DLGAP1: variants seen among roughly 807,000 people sequenced by gnomAD.
The protein encoded by DLGAP1 is disks large-associated protein 1.
Under a neutral mutation model 90.8 loss-of-function variants are expected in DLGAP1, and 11 were observed. The ratio of observed to expected loss-of-function variants is 0.12; its 90% CI spans 0.08 to 0.20. The LOEUF (loss-of-function observed/expected upper bound fraction) is 0.20. DLGAP1 is among the 10% of genes least tolerant of loss of function. The pLI is 1.00. For missense variants in DLGAP1, 1,050 were observed against 1,333.8 expected (o/e 0.79, Z 3.31); for synonymous variants, 558 against 540.7 (o/e 1.03, Z -0.44).
At chr18:4,432,797 G>A (rs62085388) in intron 1 of DLGAP1, among the ~76,000 whole-genome samples, 7,833 of 151,964 alleles carry the variant, frequency 0.052, 273 homozygotes, top group South Asian at 0.1. Context: ...CCAGCTCTAA[G>A]GAATATTCTT....
chr18:4,392,106 G>T (rs1196365943), intron 1 of DLGAP1, among the ~76,000 whole-genome samples: 1 of 152,096 alleles, frequency 6.6e-6, no homozygotes, highest in Non-Finnish European at 1.5e-5. Context: ...AATGAAACCA[G>T]TTTCCTCCTG....
At chr18:3,558,209 A>G (rs2053869614) in intron 9 of DLGAP1, among the ~76,000 whole-genome samples, 2 of 152,238 alleles carry the variant, frequency 1.3e-5, no homozygotes, top group South Asian at 4.1e-4. Flanking sequence ...CAGTTCTATC[A>G]GTTCAAGAAC....
At chr18:4,373,038 G>A (rs367574851) in intron 1 of DLGAP1, among the ~76,000 whole-genome samples, 3 of 152,174 alleles carry the variant, frequency 2.0e-5, no homozygotes, top group African/African-American at 7.2e-5. Context: ...GGGGTGCACG[G>A]GTGATGGTCA....
intron 1 of DLGAP1, among the ~76,000 whole-genome samples, chr18:4,442,603 C>CT (rs1555619602): frequency 1.3e-5 from 2 of 151,792 alleles, no homozygotes; most frequent in Non-Finnish European, 2.9e-5. Flanking sequence ...ACAGAAAGGA[C>CT]AAAGAATGAG....
intron 1 of DLGAP1, among the ~76,000 whole-genome samples, chr18:4,391,781 T>TAC (rs973311104): frequency 9.2e-5 from 14 of 152,154 alleles, no homozygotes; most frequent in African/African-American, 3.1e-4. Context: ...GCTAAACATT[T>TAC]ACCTCATGGG....
intron 2 of DLGAP1, among the ~76,000 whole-genome samples, chr18:4,087,026 G>GATATAT (rs1409628582): frequency 3.8e-5 from 3 of 78,200 alleles, no homozygotes; most frequent in Admixed American, 1.1e-4. Context: ...TACCTTGTCT[G>GATATAT]AGATATATAT....
At chr18:3,554,448 A>G (rs924685707) in intron 9 of DLGAP1, among the ~76,000 whole-genome samples, 2 of 152,214 alleles carry the variant, frequency 1.3e-5, no homozygotes, top group African/African-American at 2.4e-5. Flanking sequence ...TCTCCTTTCA[A>G]AACGACATAC....
At chr18:4,435,965 T>G (rs2013014283) in intron 1 of DLGAP1, among the ~76,000 whole-genome samples, 1 of 151,792 alleles carries the variant, frequency 6.6e-6, no homozygotes, top group African/African-American at 2.4e-5. Context: ...ATTAGACAAG[T>G]AGGTAGTTAA....
At chr18:4,064,407 C>T (rs564890133) in intron 2 of DLGAP1, among the ~76,000 whole-genome samples, 2 of 149,152 alleles carry the variant, frequency 1.3e-5, no homozygotes, top group Non-Finnish European at 3.0e-5. Flanking sequence ...AATGAATCCA[C>T]GAGATTTTTC....
At chr18:3,996,085 AT>A (rs1400084750) in intron 3 of DLGAP1, among the ~76,000 whole-genome samples, 11 of 152,160 alleles carry the variant, frequency 7.2e-5, no homozygotes, top group Non-Finnish European at 1.3e-4. Flanking sequence ...TTTTAAATAT[AT>A]TTATTAATTT....
intron 9 of DLGAP1, among the ~76,000 whole-genome samples, chr18:3,545,041 G>T (rs2052933744): frequency 6.6e-6 from 1 of 152,040 alleles, no homozygotes; most frequent in African/African-American, 2.4e-5. Flanking sequence ...GGCCGAGGTG[G>T]GCAGATCACT....
intron 4 of DLGAP1, 40 bp from the exon 5 acceptor site, chr18:3,814,313 GCCTA>G (rs1310231071): frequency 6.5e-7 from 1 of 1,530,956 alleles, no homozygotes; most frequent in African/African-American, 1.4e-5. Flanking sequence ...TTTTATAAAA[GCCTA>G]CCTTTTTCTT....
rs147905306 is a variant in DLGAP1, at chr18:4,066,417, G to A, written c.-158-61216C>T. 4.6e-5 allele frequency among the ~76,000 whole-genome samples: 7 copies of A among 152,128 alleles called. No individual in the cohort carries two copies. The East Asian group carries it at 5.8e-4, about 13-fold the overall frequency. On this transcript the variant is annotated intron_variant, in intron 2 of 12. Coordinates refer to ENST00000315677, the MANE Select transcript of DLGAP1 (RefSeq NM_004746.4). ...AACCTACAAAATAGGGAAAAGTTTC[G>A]CAATCTATGCATCTGACAAGGTCTA...
chr18:4,003,961 G>T (rs562819224), intron 3 of DLGAP1, among the ~76,000 whole-genome samples: 1 of 152,178 alleles, frequency 6.6e-6, no homozygotes. Context: ...CCTGGTGTAT[G>T]ATGTAAGAGC....
chr18:4,399,799 G>T (rs9949508), intron 1 of DLGAP1, among the ~76,000 whole-genome samples: 6 of 152,022 alleles, frequency 3.9e-5, no homozygotes, highest in Admixed American at 6.5e-5. Context: ...TCACTTCATA[G>T]GGGGCTAAAG....
At chr18:4,444,054 A>G (rs529296424) in intron 1 of DLGAP1, among the ~76,000 whole-genome samples, 83 of 152,298 alleles carry the variant, frequency 5.4e-4, no homozygotes, top group African/African-American at 1.9e-3. Context: ...CCGAACACAC[A>G]CAATAGAGAG....
chr18:3,535,072 C>CTGTG (rs111975324), intron 9 of DLGAP1, among the ~76,000 whole-genome samples: 3,883 of 144,704 alleles, frequency 0.027, 59 homozygotes, highest in African/African-American at 0.044. Context: ...TCAATCTTCT[C>CTGTG]TGTGTGTGTG....
intron 7 of DLGAP1, among the ~76,000 whole-genome samples, chr18:3,661,223 C>T (rs961751620): frequency 6.6e-6 from 1 of 152,198 alleles, no homozygotes. Flanking sequence ...AAAGCCTTAA[C>T]ATGACTGCAA....
At chr18:3,770,851 C>T (rs781593259) in intron 5 of DLGAP1, 1 of 152,162 alleles carries the variant, frequency 6.6e-6, no homozygotes, top group Non-Finnish European at 1.5e-5. Flanking sequence ...ATAATGAGTA[C>T]TGTTGGTGGT....
Sources: gnomAD v4.1 joint callset for allele counts (sites outside exome capture counted in the v4.1 genomes callset) on GRCh38, gnomAD v4.1.1 for gene constraint, MANE v1.5 for transcripts, NCBI Gene and HGNC (gene_info 2026-07-23, HGNC 2026-07-21) for gene names.